The following SCEL variants were observed in gnomAD, a reference collection of about 807,000 sequenced individuals.
SCEL encodes the protein sciellin.
Under a neutral mutation model 117.6 loss-of-function variants are expected in SCEL, and 113 were observed. The observed-to-expected ratio is 0.96, with a 90% CI of 0.83 to 1.12. SCEL has a LOEUF of 1.12. Ranked by LOEUF, SCEL falls within the 50% of genes most tolerant of loss-of-function variation. The probability of loss-of-function intolerance (pLI) is 0.00; values close to 1 mark genes in which losing one functional copy is unlikely to be tolerated. For missense variants in SCEL, 785 were observed against 810.8 expected (o/e 0.97, Z 0.39); for synonymous variants, 270 against 256.2 (o/e 1.05, Z -0.51).
intron 19 of SCEL, among the ~76,000 whole-genome samples, chr13:77,606,188 T>C (rs2154402301): frequency 6.6e-6 from 1 of 152,308 alleles, no homozygotes; most frequent in South Asian, 2.1e-4. Context: ...TGCATGTGTG[T>C]ACGTTGTGCA....
chr13:77,607,268 C>T (rs2088278240), intron 19 of SCEL, among the ~76,000 whole-genome samples: 1 of 152,142 alleles, frequency 6.6e-6, no homozygotes, highest in African/African-American at 2.4e-5. Context: ...CCAGTCTGGC[C>T]TGGATCTCCT....
chr13:77,624,894 T>A (rs1279555156), intron 27 of SCEL, among the ~76,000 whole-genome samples: 2 of 152,062 alleles, frequency 1.3e-5, no homozygotes, highest in Non-Finnish European at 2.9e-5. Flanking sequence ...TTGTAAGAGG[T>A]TTCCCCAAAA....
intron 10 of SCEL, among the ~76,000 whole-genome samples, chr13:77,590,829 T>C (rs1012048962): frequency 6.6e-6 from 1 of 152,058 alleles, no homozygotes; most frequent in African/African-American, 2.4e-5. Context: ...TAGGAATGTA[T>C]AAGTAGGTCA....
intron 8 of SCEL, among the ~76,000 whole-genome samples, chr13:77,571,671 A>G (rs1248502178): frequency 6.6e-6 from 1 of 151,116 alleles, no homozygotes; most frequent in Non-Finnish European, 1.5e-5. Flanking sequence ...CCTGGGCAAC[A>G]AGAGCGAAAC....
At chr13:77,624,772 G>T (rs185310365) in intron 27 of SCEL, among the ~76,000 whole-genome samples, 5 of 152,122 alleles carry the variant, frequency 3.3e-5, no homozygotes, top group Non-Finnish European at 5.9e-5. Context: ...TGGATATGGT[G>T]GACACTATGT....
intron 5 of SCEL, among the ~76,000 whole-genome samples, chr13:77,566,187 A>G (rs1392250355): frequency 1.3e-5 from 2 of 152,218 alleles, no homozygotes; most frequent in Admixed American, 6.5e-5. Flanking sequence ...AGTTTTGGGA[A>G]CAATCATACT....
At chr13:77,633,405 C>T (rs1421866374) in intron 28 of SCEL, among the ~76,000 whole-genome samples, 2 of 123,108 alleles carry the variant, frequency 1.6e-5, no homozygotes, top group East Asian at 5.7e-4. Context: ...CACTGCAGTC[C>T]GCAGTCCGGC....
chr13:77,556,300 T>C (rs542188598), intron 2 of SCEL, among the ~76,000 whole-genome samples: 37 of 152,318 alleles, frequency 2.4e-4, no homozygotes, highest in African/African-American at 8.9e-4. Context: ...ACCCACTAAA[T>C]CCTGGCTCAG....
At chr13:77,599,975 A>G (rs2087540120) in intron 15 of SCEL, 2 of 519,942 alleles carry the variant, frequency 3.8e-6, no homozygotes, top group Admixed American at 6.4e-5. Flanking sequence ...CTCATTCCAT[A>G]AAATGAAGGA....
chr13:77,563,819 T>A lies in SCEL; in HGVS notation c.222-12T>A. 6.4e-7 allele frequency: 1 copy of A among 1,567,660 alleles called. No homozygotes were observed. Among genetic ancestry groups the A allele is most frequent in the African/African-American group, 1.4e-5 (1 of 72,098 alleles). On this transcript the variant is annotated splice_polypyrimidine_tract_variant and intron_variant, in intron 4 of 32. Coordinates refer to ENST00000349847, the MANE Select transcript of SCEL (RefSeq NM_144777.3). The stretch of plus-strand genomic sequence containing the variant: ...TTGATTTTTTTTTTTTTGGTAATTA[T>A]GTTTGCTACAGGAAAGTAAATGAGA...
rs878882521 is a variant in SCEL at position 77,559,694 on chromosome 13, G to A, written c.162-110G>A. 2.8e-5 allele frequency: 23 copies of A among 809,952 alleles called. No homozygotes were observed. In the South Asian group the frequency reaches 3.8e-4, roughly 13 times the overall value. 50.2% of individuals were successfully genotyped at this position (809,952 alleles called of 1,614,324 possible). A position where few individuals can be genotyped will look rare whatever the true frequency, so the allele number is the denominator to read the frequency against. ...TGTGTTCTCACAACTGAAGTAAAAT[G>A]AATTAACCTTGCCAAAAATTGGGAG... On this transcript the variant is annotated intron_variant, in intron 3 of 32. Coordinates refer to ENST00000349847, the MANE Select transcript of SCEL (RefSeq NM_144777.3).
At chr13:77,568,991 A>G (rs1205622796) in intron 7 of SCEL, among the ~76,000 whole-genome samples, 6 of 152,224 alleles carry the variant, frequency 3.9e-5, no homozygotes, top group African/African-American at 1.4e-4. Context: ...ATGATTTAAA[A>G]TTTTTTATTA....
In SCEL at chr13:77,568,353, G is replaced by A. The variant is rs1381033135; in HGVS notation, c.398+20G>A. On this transcript the variant is annotated intron_variant, in intron 7 of 32. Transcript: ENST00000349847. ...AAAGTTGTATGTATTCTTTCTAATT[G>A]TAGTATATTTCTTTTTATGTATTCA... 6.9e-7 allele frequency: 1 copy of A among 1,457,120 alleles called. No individual in the cohort carries two copies. The highest frequency in any genetic ancestry group is 2.3e-5 in the East Asian group (1 of 43,438). The allele number at this position is 1,457,120 out of a possible 1,614,324, so 90.3% of individuals were successfully genotyped here. A position where few individuals can be genotyped will look rare whatever the true frequency, so the allele number is the denominator to read the frequency against.
At chr13:77,599,294 A>G in intron 13 of SCEL, 35 bp from the exon 14 acceptor site, 2 of 1,516,862 alleles carry the variant, frequency 1.3e-6, no homozygotes, top group Non-Finnish European at 1.8e-6. Context: ...GGTCATTATC[A>G]CTGATGAGGC....
chr13:77,599,016 T>C (rs559380256), intron 13 of SCEL, among the ~76,000 whole-genome samples: 3 of 152,284 alleles, frequency 2.0e-5, no homozygotes, highest in East Asian at 1.9e-4. Flanking sequence ...CTGACCATCA[T>C]TGTAACATGG....
chr13:77,542,389 G>C (rs2083755128), intron 1 of SCEL, among the ~76,000 whole-genome samples: 2 of 150,476 alleles, frequency 1.3e-5, no homozygotes, highest in South Asian at 2.1e-4. Flanking sequence ...TACAGAGCAA[G>C]ATTCCGTCTC....
At chr13:77,596,262 G>C (rs1234975426) in intron 12 of SCEL, among the ~76,000 whole-genome samples, 5 of 152,024 alleles carry the variant, frequency 3.3e-5, no homozygotes, top group Non-Finnish European at 5.9e-5. Flanking sequence ...GAACCTGGGA[G>C]GCGGAGGTTG....
intron 1 of SCEL, among the ~76,000 whole-genome samples, chr13:77,552,826 G>T: frequency 6.6e-6 from 1 of 152,040 alleles, no homozygotes; most frequent in East Asian, 1.9e-4. Flanking sequence ...TTATGGTTTT[G>T]GGTGTAATGT....
chr13:77,635,276 C>A (rs1013572484), intron 29 of SCEL, among the ~76,000 whole-genome samples: 4 of 152,070 alleles, frequency 2.6e-5, no homozygotes, highest in Non-Finnish European at 5.9e-5. Flanking sequence ...CACTCTCTGG[C>A]GTGTTCAAGT....
Sources: allele counts gnomAD v4.1 joint callset (sites outside exome capture counted in the v4.1 genomes callset), GRCh38; gene constraint gnomAD v4.1.1; transcripts MANE v1.5; gene names NCBI Gene and HGNC (gene_info 2026-07-23, HGNC 2026-07-21).